ABTB3: variants seen among roughly 807,000 people sequenced by gnomAD.
ABTB3 encodes ankyrin repeat and BTB domain containing 3, also known as ankyrin repeat- and BTB/POZ domain-containing protein 3.
At chr12:107,601,664 C>CT in the ABTB3 span, among the ~76,000 whole-genome samples, 2 of 152,156 alleles carry the variant, frequency 1.3e-5, no homozygotes, top group Non-Finnish European at 2.9e-5. Context: ...ATCCTGACTC[C>CT]TACTCAGCTG....
chr12:107,443,265 T>A, the ABTB3 span, among the ~76,000 whole-genome samples: 2 of 151,956 alleles, frequency 1.3e-5, no homozygotes, highest in East Asian at 1.9e-4. Flanking sequence ...TTTTTTTTTT[T>A]AGCTTTTTTA....
At chr12:107,318,707 T>C in the ABTB3 span, 3 of 489,590 alleles carry the variant, frequency 6.1e-6, no homozygotes, top group Non-Finnish European at 1.1e-5. Context: ...CGCTCCCCAT[T>C]GCGCCCAGCT....
At chr12:107,484,269 A>G in the ABTB3 span, among the ~76,000 whole-genome samples, 1 of 152,226 alleles carries the variant, frequency 6.6e-6, no homozygotes, top group East Asian at 1.9e-4. Context: ...TGCAGCTTCA[A>G]ACGGGTGTCC....
At chr12:107,472,063 G>A in the ABTB3 span, among the ~76,000 whole-genome samples, 1 of 152,152 alleles carries the variant, frequency 6.6e-6, no homozygotes, top group African/African-American at 2.4e-5. Context: ...CTACCATCAG[G>A]GAGGATACTG....
chr12:107,644,909 C>T, the ABTB3 span, among the ~76,000 whole-genome samples: 1 of 145,678 alleles, frequency 6.9e-6, no homozygotes, highest in South Asian at 2.2e-4. Context: ...CCACCAAGGA[C>T]ATGATCTCAT....
the ABTB3 span, among the ~76,000 whole-genome samples, chr12:107,442,695 C>T: frequency 6.6e-6 from 1 of 152,118 alleles, no homozygotes; most frequent in Non-Finnish European, 1.5e-5. Context: ...AATTGTGCTT[C>T]CTGGAGGCCC....
At chr12:107,425,558 G>T in the ABTB3 span, among the ~76,000 whole-genome samples, 1 of 152,106 alleles carries the variant, frequency 6.6e-6, no homozygotes, top group Non-Finnish European at 1.5e-5. Flanking sequence ...GGTTAATTTT[G>T]TATTATATGA....
chr12:107,339,264 A>G, the ABTB3 span, among the ~76,000 whole-genome samples: 4 of 152,174 alleles, frequency 2.6e-5, no homozygotes, highest in Admixed American at 2.0e-4. Flanking sequence ...ACACAAGTGC[A>G]GAGGCTTAAG....
At chr12:107,593,745 G>A in the ABTB3 span, among the ~76,000 whole-genome samples, 5 of 152,154 alleles carry the variant, frequency 3.3e-5, no homozygotes, top group African/African-American at 4.8e-5. Context: ...GCAACTCCAC[G>A]AGGTTGGGGA....
chr12:107,367,025 G>A, the ABTB3 span, among the ~76,000 whole-genome samples: 1 of 152,210 alleles, frequency 6.6e-6, no homozygotes, highest in Non-Finnish European at 1.5e-5. Context: ...CTGGAGCACA[G>A]CCCCCAACCA....
the ABTB3 span, among the ~76,000 whole-genome samples, chr12:107,370,191 T>C: frequency 4.6e-5 from 7 of 152,240 alleles, no homozygotes; most frequent in Non-Finnish European, 1.0e-4. Flanking sequence ...ACATTATTCC[T>C]GATCCCTCAA....
At chr12:107,611,455 A>G in the ABTB3 span, among the ~76,000 whole-genome samples, 1 of 152,234 alleles carries the variant, frequency 6.6e-6, no homozygotes, top group South Asian at 2.1e-4. Context: ...TGCTGGGATT[A>G]CAGGCATGAG....
the ABTB3 span, among the ~76,000 whole-genome samples, chr12:107,390,063 C>T: frequency 6.6e-6 from 1 of 152,102 alleles, no homozygotes; most frequent in South Asian, 2.1e-4. Flanking sequence ...GATTCTCTGG[C>T]CAAAGTTCTG....
the ABTB3 span, among the ~76,000 whole-genome samples, chr12:107,645,569 G>A: frequency 2.6e-5 from 4 of 152,162 alleles, no homozygotes; most frequent in African/African-American, 9.7e-5. Context: ...CCAGCCCTGA[G>A]GAAAGAATCT....
At chr12:107,656,928 G>T in the ABTB3 span, among the ~76,000 whole-genome samples, 2 of 152,126 alleles carry the variant, frequency 1.3e-5, no homozygotes, top group Non-Finnish European at 2.9e-5. Context: ...ACTTTGGGAC[G>T]CCCGCCTTGG....
the ABTB3 span, among the ~76,000 whole-genome samples, chr12:107,358,189 T>C: frequency 6.6e-6 from 1 of 152,116 alleles, no homozygotes; most frequent in East Asian, 1.9e-4. Flanking sequence ...ATAAAATATA[T>C]AGCTTGTTAG....
the ABTB3 span, among the ~76,000 whole-genome samples, chr12:107,385,299 C>G: frequency 6.6e-6 from 1 of 152,100 alleles, no homozygotes; most frequent in African/African-American, 2.4e-5. Flanking sequence ...GGAATACTTT[C>G]CAGCAGTGAT....
the ABTB3 span, among the ~76,000 whole-genome samples, chr12:107,430,315 A>G: frequency 6.6e-6 from 1 of 152,230 alleles, no homozygotes. Context: ...TGAACATGAC[A>G]TTTGCCCAGG....
the ABTB3 span, among the ~76,000 whole-genome samples, chr12:107,332,050 T>C: frequency 6.6e-6 from 1 of 152,202 alleles, no homozygotes; most frequent in Non-Finnish European, 1.5e-5. Flanking sequence ...ATGTGGAGCC[T>C]CGAGGGGCAG....
Sources: allele counts gnomAD v4.1 joint callset (sites outside exome capture counted in the v4.1 genomes callset), GRCh38; gene constraint gnomAD v4.1.1; transcripts MANE v1.5; gene names NCBI Gene and HGNC (gene_info 2026-07-23, HGNC 2026-07-21).